GAB2: variants seen among roughly 807,000 people sequenced by gnomAD.
GAB2 encodes the protein GRB2 associated binding protein 2.
In GAB2, 26 loss-of-function variants were observed where a neutral mutation model predicts 65.5. That is an observed-to-expected ratio of 0.40 (90% CI 0.29 to 0.55). The LOEUF (loss-of-function observed/expected upper bound fraction) is 0.55, where lower values mean the gene tolerates loss of function less well. Ranked by LOEUF, GAB2 falls within the 20% of genes least tolerant of loss-of-function variation. The probability of loss-of-function intolerance (pLI) is 0.53; values close to 1 mark genes in which losing one functional copy is unlikely to be tolerated. For synonymous variants in GAB2, 321 were observed against 329.6 expected (o/e 0.97, Z 0.28); for missense variants, 884 against 875.8 (o/e 1.01, Z -0.12).
At chr11:78,379,177 C>T (rs919599732) in intron 1 of GAB2, among the ~76,000 whole-genome samples, 7 of 152,224 alleles carry the variant, frequency 4.6e-5, no homozygotes, top group Non-Finnish European at 2.9e-5. Context: ...TGTGACCTCA[C>T]GCTTCTTCAG....
rs1308890517 is a variant in GAB2, at chr11:78,223,470, G to A, written c.1509C>T (p.Ser503=). 5.6e-6 allele frequency: 9 copies of A among 1,598,546 alleles called. No homozygotes were observed. The East Asian group carries it at 2.0e-4, about 36-fold the overall frequency. The part of the protein sequence containing the change: ...STTLPVHRGP[S]RGSEIQPPPV... ...GGGGTGGCTGAATCTCACTTCCTCT[G>A]CTGGGGCCTCGGTGCACAGGAAGGG... Residue 503 remains serine (S), a synonymous_variant, in exon 6 of 10, where the codon AGC becomes AGT. Coordinates refer to ENST00000361507, the MANE Select transcript of GAB2 (RefSeq NM_080491.3).
chr11:78,405,353 C>A (rs1398467281), intron 1 of GAB2, among the ~76,000 whole-genome samples: 1 of 152,120 alleles, frequency 6.6e-6, no homozygotes. Context: ...CCTGCCTCGG[C>A]CTCCCAAAGT....
At chr11:78,330,597 G>A (rs1855898260) in intron 1 of GAB2, among the ~76,000 whole-genome samples, 1 of 152,094 alleles carries the variant, frequency 6.6e-6, no homozygotes, top group African/African-American at 2.4e-5. Flanking sequence ...AGGTGAAGGG[G>A]TAGATTTATC....
intron 1 of GAB2, among the ~76,000 whole-genome samples, chr11:78,320,593 T>A (rs559999770): frequency 3.3e-5 from 5 of 152,248 alleles, no homozygotes; most frequent in African/African-American, 1.2e-4. Context: ...AACTGGGAGA[T>A]TTTTTTCTTT....
At chr11:78,292,161 C>T (rs1022077728) in intron 1 of GAB2, among the ~76,000 whole-genome samples, 1 of 152,174 alleles carries the variant, frequency 6.6e-6, no homozygotes, top group African/African-American at 2.4e-5. Flanking sequence ...CACCCAGTAA[C>T]CTCAGTTAGA....
chr11:78,416,321 C>T (rs1857195020), intron 1 of GAB2, among the ~76,000 whole-genome samples: 1 of 152,136 alleles, frequency 6.6e-6, no homozygotes, highest in South Asian at 2.1e-4. Context: ...AGCCTGATTT[C>T]ATTGACACAC....
At chr11:78,302,817 T>G (rs1303076262) in intron 1 of GAB2, among the ~76,000 whole-genome samples, 1 of 152,188 alleles carries the variant, frequency 6.6e-6, no homozygotes, top group Non-Finnish European at 1.5e-5. Flanking sequence ...CTGAGATATA[T>G]ATATGTATCT....
At chr11:78,290,880 A>G (rs1272806001) in intron 1 of GAB2, among the ~76,000 whole-genome samples, 2 of 152,178 alleles carry the variant, frequency 1.3e-5, no homozygotes, top group Admixed American at 1.3e-4. Flanking sequence ...AGAATACTCA[A>G]CACTGGAGAT....
intron 1 of GAB2, among the ~76,000 whole-genome samples, chr11:78,331,810 A>C (rs1591044748): frequency 1.3e-5 from 2 of 152,170 alleles, no homozygotes; most frequent in Non-Finnish European, 2.9e-5. Flanking sequence ...ACACAGATGG[A>C]AAACCAGTGG....
Position 78,417,741 on chromosome 11 carries a change from C to T in GAB2, c.-21G>A, listed in dbSNP as rs759207024. 11 of 1,228,674 alleles carry T rather than the reference C, an allele frequency of 9.0e-6. 1 individual carries two copies. In the South Asian group the frequency reaches 9.9e-5, roughly 11 times the overall value. The allele number at this position is 1,228,674 out of a possible 1,614,324, so 76.1% of individuals were successfully genotyped here. A position where few individuals can be genotyped will look rare whatever the true frequency, so the allele number is the denominator to read the frequency against. On this transcript the variant is annotated 5_prime_UTR_variant, in exon 1 of 10. Transcript: ENST00000361507. Reference sequence around the variant, plus strand: ...CTCATGCTGCCGGCCTGGAGCCCCCCGCCGGGTCGCGCGGACGAGGGCGCG... The same window carrying T: ...CTCATGCTGCCGGCCTGGAGCCCCCTGCCGGGTCGCGCGGACGAGGGCGCG...
intron 2 of GAB2, among the ~76,000 whole-genome samples, chr11:78,253,958 C>T (rs986877557): frequency 5.3e-5 from 8 of 152,200 alleles, no homozygotes; most frequent in Admixed American, 3.9e-4. Flanking sequence ...ATGCATCCTT[C>T]ATGCCCCCTA....
chr11:78,234,596 A>G (rs1864936279), intron 3 of GAB2, among the ~76,000 whole-genome samples: 3 of 148,102 alleles, frequency 2.0e-5, no homozygotes, highest in African/African-American at 7.3e-5. Flanking sequence ...TTATATATTT[A>G]AACTATTTTT....
chr11:78,223,965 C>T (rs1388676909), intron 5 of GAB2, among the ~76,000 whole-genome samples: 2 of 152,070 alleles, frequency 1.3e-5, no homozygotes, highest in Non-Finnish European at 2.9e-5. Context: ...GCTTGTAGTC[C>T]CAGCTACTCA....
chr11:78,344,936 T>C (rs1457548410), intron 1 of GAB2, among the ~76,000 whole-genome samples: 1 of 152,216 alleles, frequency 6.6e-6, no homozygotes, highest in Non-Finnish European at 1.5e-5. Context: ...TAAATTATCC[T>C]CAAATTTTAT....
intron 1 of GAB2, among the ~76,000 whole-genome samples, chr11:78,307,604 T>TAGAGGGAGAGAGAGAGAGAG (rs372962811): frequency 1.8e-4 from 22 of 121,884 alleles, no homozygotes; most frequent in Non-Finnish European, 3.3e-4. Flanking sequence ...CAAAAAATGT[T>TAGAGGGAGAGAGAGAGAGAG]AGAGAGAGAG....
intron 1 of GAB2, among the ~76,000 whole-genome samples, chr11:78,375,824 A>G (rs774831603): frequency 6.6e-6 from 1 of 152,346 alleles, no homozygotes; most frequent in East Asian, 1.9e-4. Flanking sequence ...AGCTCCTCAC[A>G]GAGGAAACTA....
In GAB2 at chr11:78,216,558, G is replaced by A. The variant is rs561969906; in HGVS notation, c.*2714C>T. On this transcript the variant is annotated 3_prime_UTR_variant, in exon 10 of 10. Coordinates refer to ENST00000361507, the MANE Select transcript of GAB2 (RefSeq NM_080491.3). Reference sequence around the variant, plus strand: ...CATCTCTACCCCTACACTTGCACCCGAGGGATTTTGGTAGTTACCAGAATA... The same window carrying A: ...CATCTCTACCCCTACACTTGCACCCAAGGGATTTTGGTAGTTACCAGAATA... 3 of 152,278 alleles carry A rather than the reference G, an allele frequency of 2.0e-5. No homozygotes were observed. The highest frequency in any genetic ancestry group is 7.2e-5 in the African/African-American group (3 of 41,532). 9.4% of individuals were successfully genotyped at this position (152,278 alleles called of 1,614,324 possible). A position where few individuals can be genotyped will look rare whatever the true frequency, so the allele number is the denominator to read the frequency against.
chr11:78,386,749 A>G (rs1206544412), intron 1 of GAB2, among the ~76,000 whole-genome samples: 1 of 152,216 alleles, frequency 6.6e-6, no homozygotes, highest in Non-Finnish European at 1.5e-5. Flanking sequence ...AGAGCAAAGT[A>G]AGGCATGTGG....
intron 3 of GAB2, among the ~76,000 whole-genome samples, chr11:78,243,612 G>A (rs552446559): frequency 2.6e-5 from 4 of 152,236 alleles, no homozygotes; most frequent in South Asian, 4.2e-4. Flanking sequence ...AGGCCGAGGC[G>A]GGCAGATCAC....
Sources: allele counts gnomAD v4.1 joint callset (sites outside exome capture counted in the v4.1 genomes callset), GRCh38; gene constraint gnomAD v4.1.1; transcripts MANE v1.5; gene names NCBI Gene and HGNC (gene_info 2026-07-23, HGNC 2026-07-21).